ERG: variants seen among roughly 807,000 people sequenced by gnomAD.
ERG encodes transcriptional regulator ERG.
In ERG, 9 loss-of-function variants were observed where a neutral mutation model predicts 55.3. That is an observed-to-expected ratio of 0.16 (90% confidence interval 0.10 to 0.28). ERG has a LOEUF of 0.28. Ranked by LOEUF, ERG falls within the 10% of genes least tolerant of loss-of-function variation. ERG has a pLI of 1.00. For synonymous variants in ERG, 223 were observed against 237.3 expected (o/e 0.94, Z 0.55); for missense variants, 434 against 631.6 (o/e 0.69, Z 3.35).
At chr21:38,577,175 A>C (rs937513233) in intron 1 of ERG, among the ~76,000 whole-genome samples, 8 of 152,170 alleles carry the variant, frequency 5.3e-5, no homozygotes, top group Non-Finnish European at 1.2e-4. Context: ...GCATTACTGT[A>C]GTGACAAGTG....
intron 2 of ERG, among the ~76,000 whole-genome samples, chr21:38,526,606 T>A (rs1376528357): frequency 6.6e-6 from 1 of 152,200 alleles, no homozygotes. Flanking sequence ...AAGATTTATA[T>A]ATAAATGCAC....
At chr21:38,479,910 A>G (rs1423686455) in intron 1 of ERG, among the ~76,000 whole-genome samples, 1 of 152,216 alleles carries the variant, frequency 6.6e-6, no homozygotes, top group Non-Finnish European at 1.5e-5. Flanking sequence ...CCTTGTAAGT[A>G]CAGAACTTTC....
chr21:38,454,612 G>T (rs996514649), intron 1 of ERG, among the ~76,000 whole-genome samples: 1 of 152,178 alleles, frequency 6.6e-6, no homozygotes, highest in Non-Finnish European at 1.5e-5. Flanking sequence ...AAATAATCTA[G>T]TGTGTGTAAC....
intron 3 of ERG, among the ~76,000 whole-genome samples, chr21:38,414,628 C>A (rs1258930016): frequency 6.6e-6 from 1 of 152,022 alleles, no homozygotes; most frequent in Non-Finnish European, 1.5e-5. Flanking sequence ...GATGAAAAAC[C>A]TGAGAAACAG....
At chr21:38,396,733 G>C (rs956915846) in intron 6 of ERG, among the ~76,000 whole-genome samples, 2 of 152,120 alleles carry the variant, frequency 1.3e-5, no homozygotes, top group African/African-American at 2.4e-5. Context: ...ATAGGGGCTT[G>C]CAAGATTCTG....
Position 38,659,204 on chromosome 21 carries a change from G to A in ERG, c.-150+2454C>T, listed in dbSNP as rs149544231. Reference sequence around the variant, plus strand: ...CCAAATGGCAAATAGCATTTGTGATGTGTGTAGCTCTTCTAAAGCCTTTCT... The same window carrying A: ...CCAAATGGCAAATAGCATTTGTGATATGTGTAGCTCTTCTAAAGCCTTTCT... On this transcript the variant is annotated intron_variant, in intron 1 of 10. Coordinates refer to the ERG transcript ENST00000398910. Among the ~76,000 whole-genome samples, 213 of 152,328 alleles carry A rather than the reference G, an allele frequency of 1.4e-3. 1 individual carries two copies. Among genetic ancestry groups the A allele is most frequent in the African/African-American group, 4.9e-3 (204 of 41,558 alleles).
intron 1 of ERG, among the ~76,000 whole-genome samples, chr21:38,468,781 C>T (rs71316645): frequency 0.13 from 20,272 of 151,758 alleles, 1,658 homozygotes; most frequent in Non-Finnish European, 0.18. Flanking sequence ...GTCAGGAGAT[C>T]GAGACTATCT....
chr21:38,388,101 C>G (rs909797107), intron 9 of ERG, among the ~76,000 whole-genome samples: 57 of 152,360 alleles, frequency 3.7e-4, no homozygotes, highest in African/African-American at 1.3e-3. Context: ...CATCCCTAGC[C>G]TGGTCTGTCG....
At chr21:38,622,038 C>T (rs1416560311) in intron 1 of ERG, among the ~76,000 whole-genome samples, 1 of 152,240 alleles carries the variant, frequency 6.6e-6, no homozygotes. Context: ...CTGAGTCCTA[C>T]CCAGATGGTC....
chr21:38,478,001 A>C (rs2042881393), intron 1 of ERG, among the ~76,000 whole-genome samples: 1 of 152,240 alleles, frequency 6.6e-6, no homozygotes, highest in African/African-American at 2.4e-5. Flanking sequence ...ATTCGATCTT[A>C]TCTCTCCCTT....
At chr21:38,422,712 C>A (rs1333852711) in intron 3 of ERG, among the ~76,000 whole-genome samples, 1 of 152,014 alleles carries the variant, frequency 6.6e-6, no homozygotes. Flanking sequence ...AAGAGCTATT[C>A]CTTTGGGTTG....
Position 38,400,656 on chromosome 21 carries a change from A to G in ERG, c.674-11T>C, listed in dbSNP as rs1278810078. On this transcript the variant is annotated splice_polypyrimidine_tract_variant and intron_variant, in intron 5 of 9. Transcript: ENST00000288319. ...TAAAAGCTGCACCCCCTGCAGACAA[A>G]AGGAAAGACAAACATGTGAAGGTCT... 3 of 1,594,180 alleles carry G rather than the reference A, an allele frequency of 1.9e-6. No homozygotes were observed. The Admixed American group carries it at 5.1e-5, about 27-fold the overall frequency.
At chr21:38,606,418 C>T (rs1017855189) in intron 1 of ERG, among the ~76,000 whole-genome samples, 2 of 152,116 alleles carry the variant, frequency 1.3e-5, no homozygotes, top group Admixed American at 6.5e-5. Context: ...ACTTTCATAG[C>T]TTACATTATA....
chr21:38,471,227 G>T (rs376692876), intron 1 of ERG: 20 of 152,294 alleles, frequency 1.3e-4, no homozygotes, highest in East Asian at 1.2e-3. Flanking sequence ...ACCACTTCTT[G>T]GTTCTCAACT....
Position 38,467,934 on chromosome 21 carries a change from T to C in ERG, c.19-22313A>G, listed in dbSNP as rs114202040. Reference sequence around the variant, plus strand: ...CATGTGCACATCCAACTCATGGCCATGCATGCTGTAGCCTGTTACCCATTC... The same window carrying C: ...CATGTGCACATCCAACTCATGGCCACGCATGCTGTAGCCTGTTACCCATTC... On this transcript the variant is annotated intron_variant, in intron 1 of 9. Transcript: ENST00000288319. Among the ~76,000 whole-genome samples, 718 of 152,332 alleles carry C rather than the reference T, an allele frequency of 4.7e-3. 12 individuals carry two copies. The highest frequency in any genetic ancestry group is 0.016 in the African/African-American group (682 of 41,584).
intron 3 of ERG, among the ~76,000 whole-genome samples, chr21:38,406,742 T>C (rs1400275944): frequency 2.0e-5 from 3 of 152,204 alleles, no homozygotes; most frequent in Non-Finnish European, 1.5e-5. Flanking sequence ...TGGAACCGGA[T>C]ATTCTCAAAA....
At chr21:38,634,548 C>T (rs925365620) in intron 1 of ERG, among the ~76,000 whole-genome samples, 7 of 152,164 alleles carry the variant, frequency 4.6e-5, no homozygotes, top group African/African-American at 1.7e-4. Flanking sequence ...AAAAACTCTT[C>T]GAGTCCAGTT....
Position 38,530,781 on chromosome 21 carries a change from G to A in ERG, c.-41+44881C>T, listed in dbSNP as rs186668272. ...TATACCTTTTAAGAGTCTTTAAAAC[G>A]TTGAAAATGTAAAGATCTGCAAGAG... On this transcript the variant is annotated intron_variant, in intron 2 of 8. Coordinates refer to the ERG transcript ENST00000398897. Among the ~76,000 whole-genome samples, 155 of 152,220 alleles carry A rather than the reference G, an allele frequency of 1.0e-3. 1 individual carries two copies. The highest frequency in any genetic ancestry group is 1.2e-3 in the Non-Finnish European group (80 of 68,020).
At chr21:38,588,424 G>C (rs943088107), upstream of ERG, among the ~76,000 whole-genome samples, 1 of 152,202 alleles carries the variant, frequency 6.6e-6, no homozygotes, top group Non-Finnish European at 1.5e-5. Context: ...TGGGGAGGTA[G>C]AAGAAGGCAC....
Sources: allele counts gnomAD v4.1 joint callset (sites outside exome capture counted in the v4.1 genomes callset), GRCh38; gene constraint gnomAD v4.1.1; transcripts MANE v1.5; gene names NCBI Gene and HGNC (gene_info 2026-07-23, HGNC 2026-07-21).